The following IRAK2 variants were observed in gnomAD, a reference collection of about 807,000 sequenced individuals.
IRAK2 encodes interleukin-1 receptor-associated kinase-like 2.
IRAK2 carries 57 observed loss-of-function variants against 72.0 expected under a neutral mutation model. The ratio of observed to expected loss-of-function variants is 0.79; its 90% CI spans 0.64 to 0.99. The LOEUF is 0.99. IRAK2 is among the 50% of genes least tolerant of loss of function. The pLI is 0.00. For missense variants in IRAK2, 790 were observed against 794.4 expected (o/e 0.99, Z 0.07); for synonymous variants, 293 against 312.7 (o/e 0.94, Z 0.67).
chr3:10,208,108 C>T (rs1409561967), intron 3 of IRAK2, among the ~76,000 whole-genome samples: 3 of 150,880 alleles, frequency 2.0e-5, no homozygotes, highest in East Asian at 2.0e-4. Flanking sequence ...CCTCGGTGGG[C>T]GCAGGCACAG....
In IRAK2 at chr3:10,170,761, C is replaced by T. The variant is rs1696782693; in HGVS notation, c.94+5713C>T. Among the ~76,000 whole-genome samples, 3 of 152,360 alleles carry T rather than the reference C, an allele frequency of 2.0e-5. No homozygotes were observed. The South Asian group carries it at 6.2e-4, about 32-fold the overall frequency. Reference sequence around the variant, plus strand: ...GTGGTGAGGATGCGGGCTGCCCACTCTTACCCATTGGAGCTGGCCTGGAGC... The same window carrying T: ...GTGGTGAGGATGCGGGCTGCCCACTTTTACCCATTGGAGCTGGCCTGGAGC... On this transcript the variant is annotated intron_variant, in intron 1 of 12. Transcript: ENST00000256458.
At chr3:10,170,626 G>A (rs1005000030) in intron 1 of IRAK2, among the ~76,000 whole-genome samples, 9 of 152,158 alleles carry the variant, frequency 5.9e-5, no homozygotes, top group South Asian at 2.1e-4. Flanking sequence ...AGCCCCGTGC[G>A]GGCAGGGGCC....
chr3:10,224,111 C>A (rs1263432740), intron 9 of IRAK2, among the ~76,000 whole-genome samples: 3 of 152,068 alleles, frequency 2.0e-5, no homozygotes, highest in African/African-American at 7.2e-5. Context: ...CCGATGTGGG[C>A]AGATCACCTG....
rs1445159653 is a variant in IRAK2 at position 10,226,361 on chromosome 3, T to C, written c.1210-10T>C. The C allele has an allele frequency of 6.2e-7, 1 of 1,612,506 alleles. No individual in the cohort carries two copies. The highest frequency in any genetic ancestry group is 8.5e-7 in the Non-Finnish European group (1 of 1,178,974). On this transcript the variant is annotated splice_polypyrimidine_tract_variant and intron_variant, in intron 9 of 12. Coordinates refer to ENST00000256458, the MANE Select transcript of IRAK2 (RefSeq NM_001570.4). Reference sequence around the variant, plus strand: ...CTGAACCATGCTAACTCACGTTCTGTTCTCTCCAGGTGTTGGCCGAGGTCC... The same window carrying C: ...CTGAACCATGCTAACTCACGTTCTGCTCTCTCCAGGTGTTGGCCGAGGTCC...
chr3:10,237,192 G>T (rs1697973994), intron 11 of IRAK2, among the ~76,000 whole-genome samples: 1 of 152,200 alleles, frequency 6.6e-6, no homozygotes, highest in Non-Finnish European at 1.5e-5. Flanking sequence ...TATTTATTGG[G>T]CATCTACTGT....
intron 2 of IRAK2, among the ~76,000 whole-genome samples, chr3:10,182,616 G>T (rs755263030): frequency 6.7e-6 from 1 of 149,186 alleles, no homozygotes; most frequent in Non-Finnish European, 1.5e-5. Context: ...TCGCCATGTT[G>T]GCTAGGCTAG....
At position 10,238,767 on chromosome 3, in the gene IRAK2, C is replaced by T. The variant is rs760191921; in HGVS notation, c.1493C>T (p.Ala498Val). 1.9e-6 allele frequency: 3 copies of T among 1,613,974 alleles called. No homozygotes were observed. Among genetic ancestry groups the T allele is most frequent in the African/African-American group, 1.3e-5 (1 of 74,920 alleles). Residue 498 changes from alanine to valine, a missense_variant, in exon 12 of 13, where the codon GCT (alanine) becomes GTT (valine). Ala to Val is a moderately conservative substitution (Grantham distance 64). Coordinates refer to ENST00000256458, the MANE Select transcript of IRAK2 (RefSeq NM_001570.4). Reference protein sequence around the residue: ...SLQEVCGSVAAVEERLRGRET... With the variant: ...SLQEVCGSVAVVEERLRGRET... ...CCAAAGGTGTGTGGCTCTGTGGCTGCTGTGGAAGAGCGGCTCCGAGGTCGG... is the reference window on the plus strand; with the variant it reads ...CCAAAGGTGTGTGGCTCTGTGGCTGTTGTGGAAGAGCGGCTCCGAGGTCGG...
At chr3:10,215,783 C>CACACAGAT (rs1385310047) in intron 6 of IRAK2, among the ~76,000 whole-genome samples, 1 of 149,044 alleles carries the variant, frequency 6.7e-6, no homozygotes, top group African/African-American at 2.4e-5. Flanking sequence ...CAGATACACA[C>CACACAGAT]ACACACATAC....
chr3:10,220,672 C>G (rs563947244), intron 8 of IRAK2, among the ~76,000 whole-genome samples: 2 of 152,078 alleles, frequency 1.3e-5, no homozygotes, highest in Non-Finnish European at 2.9e-5. Flanking sequence ...AACTCCTGAC[C>G]TCAGGTGATC....
chr3:10,183,534 A>G (rs529031550), intron 2 of IRAK2, among the ~76,000 whole-genome samples: 162 of 152,252 alleles, frequency 1.1e-3, no homozygotes, highest in African/African-American at 3.6e-3. Flanking sequence ...TGGCTAACAC[A>G]GTGAAACCCT....
At chr3:10,187,378 G>A (rs1697092122) in intron 2 of IRAK2, among the ~76,000 whole-genome samples, 1 of 152,130 alleles carries the variant, frequency 6.6e-6, no homozygotes, top group African/African-American at 2.4e-5. Context: ...ACTGGGTCTT[G>A]GATGAAGATT....
At position 10,226,050 on chromosome 3, in the gene IRAK2, G is replaced by A. The variant is rs1003894667; in HGVS notation, c.1210-321G>A. ...TCTTTAAAAAATAGTGTATATATAC[G>A]TGTGTGTGTATCTATATTTATCTAT... On this transcript the variant is annotated intron_variant, in intron 9 of 12. Transcript: ENST00000256458. Among the ~76,000 whole-genome samples, 19 of 152,084 alleles carry A rather than the reference G, an allele frequency of 1.2e-4. 1 individual carries two copies. The highest frequency in any genetic ancestry group is 2.1e-4 in the South Asian group (1 of 4,824).
At chr3:10,234,393 G>A in intron 10 of IRAK2, 66 bp from the exon 11 acceptor site, 1 of 1,351,486 alleles carries the variant, frequency 7.4e-7, no homozygotes, top group Non-Finnish European at 1.1e-6. Context: ...AGGTGAGTGG[G>A]GCGCGTGCGT....
chr3:10,171,159 C>T (rs1696788420), intron 1 of IRAK2, among the ~76,000 whole-genome samples: 1 of 152,182 alleles, frequency 6.6e-6, no homozygotes, highest in African/African-American at 2.4e-5. Flanking sequence ...AAAAGGGTTT[C>T]CTACAGCTTC....
intron 1 of IRAK2, among the ~76,000 whole-genome samples, chr3:10,166,968 C>T (rs1343489071): frequency 6.6e-6 from 1 of 152,138 alleles, no homozygotes; most frequent in African/African-American, 2.4e-5. Flanking sequence ...TTGAATGTTT[C>T]CTGGGCAGTG....
rs753656656 is a variant in IRAK2, at chr3:10,177,987, G to C, written c.244G>C (p.Glu82Gln). The C allele has an allele frequency of 6.2e-7, 1 of 1,612,858 alleles. No individual in the cohort carries two copies. The change falls in exon 2 of 13, where the codon GAG becomes CAG. Residue 82 changes from glutamate to glutamine, a missense_variant. Physicochemically the swap from Glu to Gln is conservative, Grantham distance 29. Transcript: ENST00000256458. Reference protein sequence around the residue: ...QQLVDLLCRLELYRAAQIILN... With the variant: ...QQLVDLLCRLQLYRAAQIILN... ...ACTTGTGGACCTCCTGTGCCGCCTG[G>C]AGCTCTACCGGGCTGCCCAGATCAT...
chr3:10,187,175 G>A (rs1414476355), intron 2 of IRAK2, among the ~76,000 whole-genome samples: 1 of 147,816 alleles, frequency 6.8e-6, no homozygotes, highest in East Asian at 1.9e-4. Flanking sequence ...CCCTCTATAG[G>A]TTGGCTTTGC....
intron 10 of IRAK2, among the ~76,000 whole-genome samples, chr3:10,228,272 A>T (rs765453318): frequency 6.6e-6 from 1 of 152,162 alleles, no homozygotes; most frequent in Non-Finnish European, 1.5e-5. Context: ...GGGCCCCAGA[A>T]GCATCCCCTG....
intron 1 of IRAK2, among the ~76,000 whole-genome samples, chr3:10,171,359 A>G (rs1235825681): frequency 6.6e-6 from 1 of 151,978 alleles, no homozygotes; most frequent in Non-Finnish European, 1.5e-5. Context: ...GCACCCTCAC[A>G]GTGTTGCTGA....
Sources: allele counts gnomAD v4.1 joint callset (sites outside exome capture counted in the v4.1 genomes callset), GRCh38; gene constraint gnomAD v4.1.1; transcripts MANE v1.5; gene names NCBI Gene and HGNC (gene_info 2026-07-23, HGNC 2026-07-21).